Variants in CCNH observed in about 807,000 individuals in gnomAD.
CCNH encodes cyclin H, also known as cyclin-H.
CCNH carries 31 observed loss-of-function variants against 41.9 expected under a neutral mutation model. The observed-to-expected ratio is 0.74, with a 90% CI of 0.56 to 1.00. The LOEUF (loss-of-function observed/expected upper bound fraction) is 1.00. Ranked by LOEUF, CCNH falls within the 50% of genes least tolerant of loss-of-function variation. CCNH has a pLI of 0.00. For missense variants in CCNH, 362 were observed against 388.4 expected (o/e 0.93, Z 0.57); for synonymous variants, 138 against 136.1 (o/e 1.01, Z -0.10).
intron 9 of CCNH, among the ~76,000 whole-genome samples, chr5:87,320,650 A>G (rs568730622): frequency 6.6e-6 from 1 of 152,338 alleles, no homozygotes; most frequent in Non-Finnish European, 1.5e-5. Flanking sequence ...TCATGATTCA[A>G]TCACCTACCA....
intron 9 of CCNH, among the ~76,000 whole-genome samples, chr5:87,351,594 G>C (rs1447697402): frequency 2.6e-5 from 4 of 151,740 alleles, no homozygotes; most frequent in Non-Finnish European, 3.0e-5. Context: ...AGTTTACATT[G>C]AATATGCTTT....
chr5:87,317,969 AT>A (rs574093115), downstream of CCNH, among the ~76,000 whole-genome samples: 2 of 151,326 alleles, frequency 1.3e-5, no homozygotes, highest in East Asian at 1.9e-4. Flanking sequence ...ATTTTTTCCC[AT>A]TTTTTTTAGA....
Position 87,401,773 on chromosome 5 carries a change from C to A in CCNH, c.690-1G>T. 5 of 1,550,972 alleles carry A rather than the reference C, an allele frequency of 3.2e-6. No individual in the cohort carries two copies. The highest frequency in any genetic ancestry group is 1.4e-5 in the African/African-American group (1 of 72,212). On this transcript the variant is annotated splice_acceptor_variant, in intron 5 of 8. Transcript: ENST00000256897. LOFTEE classifies it high-confidence loss of function. The stretch of plus-strand genomic sequence containing the variant: ...CAGCATCAGACTCTCTGATAAATAA[C>A]TAGTAAAGAAAAGAAAAAAAAATCT...
intron 9 of CCNH, among the ~76,000 whole-genome samples, chr5:87,345,713 C>CA (rs1055126531): frequency 3.3e-5 from 5 of 152,224 alleles, no homozygotes; most frequent in African/African-American, 1.2e-4. Context: ...TCATTTAAAA[C>CA]AATGTGAATG....
At chr5:87,349,218 T>A in intron 9 of CCNH, 2 of 1,611,720 alleles carry the variant, frequency 1.2e-6, no homozygotes, top group Non-Finnish European at 1.7e-6. Context: ...TTACAGTTGG[T>A]CAAGTCTGCA....
At chr5:87,386,686 A>C, downstream of CCNH, 1 of 704,112 alleles carries the variant, frequency 1.4e-6, no homozygotes, top group Non-Finnish European at 2.6e-6. Flanking sequence ...GTATTGCTAC[A>C]TGTATGGGTT....
At chr5:87,376,807 T>G (rs1761358087) in exon 1 of CCNH, 1 of 1,427,510 alleles carries the variant, frequency 7.0e-7, no homozygotes, top group Non-Finnish European at 9.8e-7. Context: ...TGAAAGAACA[T>G]ATTTCTTGTT....
At chr5:87,348,035 C>G (rs1384745479) in intron 9 of CCNH, among the ~76,000 whole-genome samples, 1 of 151,950 alleles carries the variant, frequency 6.6e-6, no homozygotes, top group Non-Finnish European at 1.5e-5. Flanking sequence ...CACTTGCATG[C>G]ACAGTCTTGC....
chr5:87,390,984 T>C, downstream of CCNH: 1 of 1,174,228 alleles, frequency 8.5e-7, no homozygotes, highest in Admixed American at 1.8e-5. Flanking sequence ...TAGCACACTT[T>C]TCCACATTCC....
the CCNH span, among the ~76,000 whole-genome samples, chr5:87,312,509 T>G: frequency 6.6e-6 from 1 of 152,240 alleles, no homozygotes; most frequent in South Asian, 2.1e-4. Context: ...TATTGACAGC[T>G]ATAACCTACA....
chr5:87,397,722 T>C (rs547641263), intron 7 of CCNH, among the ~76,000 whole-genome samples: 2 of 152,304 alleles, frequency 1.3e-5, no homozygotes, highest in Admixed American at 1.3e-4. Flanking sequence ...CAGTTAAGAA[T>C]TTTGGATTAT....
chr5:87,361,019 CACACACACAT>C (rs1760048806), intron 9 of CCNH, among the ~76,000 whole-genome samples: 1 of 152,112 alleles, frequency 6.6e-6, no homozygotes, highest in Non-Finnish European at 1.5e-5. Context: ...AACACAGTTA[CACACACACAT>C]ACACACACAC....
At chr5:87,357,583 T>C (rs1759746801) in intron 9 of CCNH, among the ~76,000 whole-genome samples, 1 of 152,166 alleles carries the variant, frequency 6.6e-6, no homozygotes, top group South Asian at 2.1e-4. Context: ...CATGCCCCTG[T>C]AGTCCCAGCT....
At chr5:87,345,929 G>A (rs376465650) in intron 9 of CCNH, among the ~76,000 whole-genome samples, 3 of 152,052 alleles carry the variant, frequency 2.0e-5, no homozygotes, top group Non-Finnish European at 2.9e-5. Context: ...TAAATAAGAG[G>A]TGATTTTATG....
At chr5:87,326,259 C>T (rs541612838) in intron 9 of CCNH, among the ~76,000 whole-genome samples, 30 of 152,292 alleles carry the variant, frequency 2.0e-4, no homozygotes, top group African/African-American at 7.2e-4. Flanking sequence ...TTGGGAGCTA[C>T]TGCGCCTGGC....
intron 8 of CCNH, 198 bp downstream of exon 8, chr5:87,394,846 C>A (rs562971090): frequency 1.8e-5 from 25 of 1,370,308 alleles, no homozygotes; most frequent in East Asian, 1.3e-4. Context: ...AGGAAGGATT[C>A]TTCATTAAAT....
intron 9 of CCNH, among the ~76,000 whole-genome samples, chr5:87,364,925 A>G (rs1256187990): frequency 2.0e-5 from 3 of 152,210 alleles, no homozygotes; most frequent in Non-Finnish European, 2.9e-5. Context: ...GTTGCTGGAA[A>G]TGATCTCACC....
chr5:87,380,057 G>A (rs1761602438), upstream of CCNH, among the ~76,000 whole-genome samples: 1 of 152,128 alleles, frequency 6.6e-6, no homozygotes, highest in Non-Finnish European at 1.5e-5. Context: ...CAATATGTCT[G>A]GTTTGTACTG....
At chr5:87,357,174 T>A (rs1026918043) in intron 9 of CCNH, among the ~76,000 whole-genome samples, 1 of 152,088 alleles carries the variant, frequency 6.6e-6, no homozygotes, top group Non-Finnish European at 1.5e-5. Flanking sequence ...ATTTTTTTTT[T>A]ATTACCGCAG....
Sources: allele counts gnomAD v4.1 joint callset (sites outside exome capture counted in the v4.1 genomes callset), GRCh38; gene constraint gnomAD v4.1.1; transcripts MANE v1.5; gene names NCBI Gene and HGNC (gene_info 2026-07-23, HGNC 2026-07-21).